SLCO6A1: variants seen among roughly 807,000 people sequenced by gnomAD.
SLCO6A1 encodes cancer/testis antigen 48.
Under a neutral mutation model 72.7 loss-of-function variants are expected in SLCO6A1, and 65 were observed. The observed-to-expected ratio is 0.89, with a 90% confidence interval of 0.73 to 1.10. SLCO6A1 has a LOEUF of 1.10. Ranked by LOEUF, SLCO6A1 falls within the 50% of genes least tolerant of loss-of-function variation. The pLI is 0.00. For synonymous variants in SLCO6A1, 314 were observed against 298.2 expected (o/e 1.05, Z -0.55); for missense variants, 874 against 872.6 (o/e 1.00, Z -0.02).
intron 4 of SLCO6A1, among the ~76,000 whole-genome samples, chr5:102,461,174 A>C (rs1751020777): frequency 6.6e-6 from 1 of 151,852 alleles, no homozygotes; most frequent in East Asian, 1.9e-4. Context: ...ATTGGGAAAA[A>C]CAATATAATG....
At chr5:102,466,144 T>TAAA (rs1203544670) in intron 4 of SLCO6A1, among the ~76,000 whole-genome samples, 1 of 152,016 alleles carries the variant, frequency 6.6e-6, no homozygotes, top group Non-Finnish European at 1.5e-5. Flanking sequence ...AGCCTAGTAT[T>TAAA]AATTAGATGC....
At chr5:102,458,637 A>G in intron 5 of SLCO6A1, 146 bp from the exon 6 acceptor site, 1 of 591,940 alleles carries the variant, frequency 1.7e-6, no homozygotes, top group Non-Finnish European at 3.0e-6. Context: ...AATCTCATTA[A>G]TTAAAAGACA....
intron 7 of SLCO6A1, among the ~76,000 whole-genome samples, chr5:102,428,905 A>C (rs1325019747): frequency 6.6e-6 from 1 of 151,956 alleles, no homozygotes; most frequent in Non-Finnish European, 1.5e-5. Flanking sequence ...ACTAATTTAC[A>C]CTCCCACCAG....
At chr5:102,461,709 C>T (rs1183201654) in intron 4 of SLCO6A1, among the ~76,000 whole-genome samples, 2 of 151,894 alleles carry the variant, frequency 1.3e-5, no homozygotes, top group Non-Finnish European at 2.9e-5. Flanking sequence ...ATTAGATATC[C>T]TGTTGAAGGA....
intron 1 of SLCO6A1, among the ~76,000 whole-genome samples, chr5:102,481,079 T>C (rs1335291711): frequency 6.6e-6 from 1 of 152,212 alleles, no homozygotes; most frequent in Admixed American, 6.5e-5. Context: ...ACAAAATTAA[T>C]TGATGTAGGG....
chr5:102,476,668 T>C (rs1039369508), intron 3 of SLCO6A1, among the ~76,000 whole-genome samples: 1 of 152,042 alleles, frequency 6.6e-6, no homozygotes, highest in African/African-American at 2.4e-5. Context: ...CATTATACTT[T>C]ATTTAATCTA....
At chr5:102,372,754 A>G (rs183457587) in intron 13 of SLCO6A1, among the ~76,000 whole-genome samples, 58 of 151,844 alleles carry the variant, frequency 3.8e-4, no homozygotes, top group African/African-American at 1.3e-3. Context: ...ATGTTTACTA[A>G]GATTAACGAA....
chr5:102,482,257 A>G (rs1752233122), intron 1 of SLCO6A1, among the ~76,000 whole-genome samples: 1 of 152,224 alleles, frequency 6.6e-6, no homozygotes, highest in Admixed American at 6.5e-5. Flanking sequence ...AGAGAAAATA[A>G]AAAACCAGAA....
chr5:102,454,192 G>A (rs939408972), intron 6 of SLCO6A1, among the ~76,000 whole-genome samples: 8 of 152,066 alleles, frequency 5.3e-5, no homozygotes, highest in African/African-American at 7.2e-5. Flanking sequence ...CTTTTCCATG[G>A]AGCTCAAAAC....
chr5:102,497,531 G>C (rs1313703484), intron 1 of SLCO6A1, among the ~76,000 whole-genome samples: 1 of 152,238 alleles, frequency 6.6e-6, no homozygotes, highest in Admixed American at 6.5e-5. Context: ...GACTGTGCCA[G>C]TCAGGTTCTG....
intron 1 of SLCO6A1, among the ~76,000 whole-genome samples, chr5:102,490,739 G>C (rs1383981213): frequency 6.6e-6 from 1 of 152,076 alleles, no homozygotes; most frequent in Non-Finnish European, 1.5e-5. Flanking sequence ...GGCACATCTG[G>C]AGTTGTTCGT....
chr5:102,403,197 A>G (rs1327034055), intron 9 of SLCO6A1, among the ~76,000 whole-genome samples: 1 of 152,186 alleles, frequency 6.6e-6, no homozygotes, highest in East Asian at 1.9e-4. Context: ...GAGATATTTG[A>G]ATGCAAGAAT....
intron 9 of SLCO6A1, among the ~76,000 whole-genome samples, chr5:102,401,062 G>GT: frequency 6.6e-6 from 1 of 151,876 alleles, no homozygotes; most frequent in Middle Eastern, 3.4e-3. Flanking sequence ...GGGAATATTG[G>GT]GGGGGTTATA....
At chr5:102,453,066 G>T (rs1462760648) in intron 6 of SLCO6A1, among the ~76,000 whole-genome samples, 1 of 152,040 alleles carries the variant, frequency 6.6e-6, no homozygotes, top group Non-Finnish European at 1.5e-5. Flanking sequence ...CTTTTATCAA[G>T]ATAAAAGGAA....
chr5:102,472,262 T>C (rs890530840), intron 4 of SLCO6A1, among the ~76,000 whole-genome samples: 4 of 152,130 alleles, frequency 2.6e-5, no homozygotes, highest in Admixed American at 2.6e-4. Flanking sequence ...TTTTATGATA[T>C]TTGTCTGGTA....
rs1748074058 is a variant in SLCO6A1, at chr5:102,413,018, G to A, written c.1598C>T (p.Thr533Ile). 2 of 1,531,836 alleles carry A rather than the reference G, an allele frequency of 1.3e-6. No individual in the cohort carries two copies. The highest frequency in any genetic ancestry group is 1.4e-5 in the African/African-American group (1 of 70,576). 94.9% of individuals were successfully genotyped at this position (1,531,836 alleles called of 1,614,324 possible). A position where few individuals can be genotyped will look rare whatever the true frequency, so the allele number is the denominator to read the frequency against. ...TTTTTGGTTTTGTGCTTTAGAATATGTACACCCTGCAAAGCAGGGAGAAAA... is the reference window on the plus strand; with the variant it reads ...TTTTTGGTTTTGTGCTTTAGAATATATACACCCTGCAAAGCAGGGAGAAAA... ...EYFSPCFAGC[T>I]YSKAQNQKKM... The change falls in exon 9 of 14, where the codon ACA (threonine) becomes ATA (isoleucine). Residue 533 changes from threonine to isoleucine, a missense_variant. Coordinates refer to ENST00000506729, the MANE Select transcript of SLCO6A1 (RefSeq NM_173488.5).
Position 102,443,370 on chromosome 5 carries a change from T to A in SLCO6A1, c.1132-4609A>T, listed in dbSNP as rs543426666. On this transcript the variant is annotated intron_variant, in intron 6 of 13. Coordinates refer to ENST00000506729, the MANE Select transcript of SLCO6A1 (RefSeq NM_173488.5). ...CTCTTTCTCAATGGCCCTTTGTACT[T>A]TTATTTTTGCTATGTCAGTATATCA... Among the ~76,000 whole-genome samples, 308 of 152,316 alleles carry A rather than the reference T, an allele frequency of 2.0e-3. 2 individuals are homozygous for A. Among genetic ancestry groups the A allele is most frequent in the Middle Eastern group, 3.4e-3 (1 of 294 alleles).
chr5:102,478,527 G>A (rs1021336501), intron 2 of SLCO6A1, among the ~76,000 whole-genome samples: 8 of 152,018 alleles, frequency 5.3e-5, no homozygotes, highest in Admixed American at 1.3e-4. Flanking sequence ...TAAGGACAAG[G>A]CATTATACAG....
intron 6 of SLCO6A1, among the ~76,000 whole-genome samples, chr5:102,446,904 A>G (rs142211721): frequency 2.0e-5 from 3 of 151,948 alleles, no homozygotes; most frequent in Admixed American, 2.0e-4. Context: ...ACAGGCACCC[A>G]CCACTATGCC....
Sources: allele counts gnomAD v4.1 joint callset (sites outside exome capture counted in the v4.1 genomes callset), GRCh38; gene constraint gnomAD v4.1.1; transcripts MANE v1.5; gene names NCBI Gene and HGNC (gene_info 2026-07-23, HGNC 2026-07-21).